Variants in NHSL1 observed in about 807,000 individuals in gnomAD.
The protein encoded by NHSL1 is NHS-like protein 1.
In NHSL1, 48 loss-of-function variants were observed where a neutral mutation model predicts 95.0. The observed-to-expected ratio is 0.51, with a 90% CI of 0.40 to 0.64. The LOEUF (loss-of-function observed/expected upper bound fraction) is 0.64, where lower values mean the gene tolerates loss of function less well. Ranked by LOEUF, NHSL1 falls within the 30% of genes least tolerant of loss-of-function variation. The probability of loss-of-function intolerance (pLI) is 0.00; values close to 1 mark genes in which losing one functional copy is unlikely to be tolerated. For synonymous variants in NHSL1, 783 were observed against 833.9 expected (o/e 0.94, Z 1.05); for missense variants, 1,971 against 2,077.7 (o/e 0.95, Z 1.00).
chr6:138,551,749 C>T (rs140951104), intron 1 of NHSL1, among the ~76,000 whole-genome samples: 101 of 152,238 alleles, frequency 6.6e-4, no homozygotes, highest in African/African-American at 2.3e-3. Flanking sequence ...TGATTTAAAA[C>T]CAGTCTCCAT....
intron 1 of NHSL1, among the ~76,000 whole-genome samples, chr6:138,626,383 G>A (rs1241215135): frequency 1.3e-5 from 2 of 152,092 alleles, no homozygotes; most frequent in Non-Finnish European, 2.9e-5. Flanking sequence ...TGGTAGATAG[G>A]TTGATTATGT....
chr6:138,600,396 C>T (rs1026231121), intron 1 of NHSL1, among the ~76,000 whole-genome samples: 1 of 152,146 alleles, frequency 6.6e-6, no homozygotes, highest in African/African-American at 2.4e-5. Flanking sequence ...TGGCAACCTT[C>T]CTTCAATTTG....
intron 1 of NHSL1, among the ~76,000 whole-genome samples, chr6:138,663,870 C>G (rs760471959): frequency 2.0e-5 from 3 of 151,114 alleles, no homozygotes; most frequent in Non-Finnish European, 4.4e-5. Flanking sequence ...GACTCTATCT[C>G]AAAGAAAAAA....
intron 1 of NHSL1, among the ~76,000 whole-genome samples, chr6:138,565,788 A>AAAATAAAATAAAATAAAATAAAAT (rs1188816114): frequency 4.0e-5 from 6 of 151,774 alleles, no homozygotes; most frequent in African/African-American, 1.4e-4. Context: ...AAAATAAAAT[A>AAAATAAAATAAAATAAAATAAAAT]AAAAATTAGA....
intron 1 of NHSL1, among the ~76,000 whole-genome samples, chr6:138,675,513 A>C (rs1305651288): frequency 6.6e-6 from 1 of 152,080 alleles, no homozygotes; most frequent in East Asian, 1.9e-4. Context: ...TTTCCCACAG[A>C]AAATTCTTAC....
intron 1 of NHSL1, among the ~76,000 whole-genome samples, chr6:138,530,475 A>G (rs1384539430): frequency 6.6e-6 from 1 of 152,260 alleles, no homozygotes; most frequent in African/African-American, 2.4e-5. Flanking sequence ...ATACATGCAC[A>G]TGCATGTTTA....
chr6:138,476,741 T>C lies in NHSL1; in HGVS notation c.212-3308A>G, dbSNP rs59457317. 7.9e-5 allele frequency among the ~76,000 whole-genome samples: 12 copies of C among 152,104 alleles called. No individual in the cohort carries two copies. The East Asian group carries it at 1.7e-3, about 22-fold the overall frequency. ...TACTTGGAAGGCTGAGGCAGGAGAA[T>C]TGCTTGAACTTGGGAGGCAGACTGC... is the stretch of plus-strand genomic sequence containing the variant. On this transcript the variant is annotated intron_variant, in intron 2 of 7. Transcript: ENST00000343505.
intron 3 of NHSL1, among the ~76,000 whole-genome samples, chr6:138,455,523 G>A (rs2149582): frequency 0.076 from 4,788 of 62,736 alleles, 193 homozygotes; most frequent in African/African-American, 0.3. Context: ...TCCCTGCAAG[G>A]AGCCCCGCCT....
intron 1 of NHSL1, among the ~76,000 whole-genome samples, chr6:138,517,226 G>A (rs1438326883): frequency 3.9e-5 from 6 of 152,160 alleles, no homozygotes; most frequent in Admixed American, 2.6e-4. Flanking sequence ...CTTAGCCTCT[G>A]TTCTCACCAG....
At chr6:138,656,820 A>G (rs947079152) in intron 1 of NHSL1, among the ~76,000 whole-genome samples, 1 of 152,200 alleles carries the variant, frequency 6.6e-6, no homozygotes, top group Non-Finnish European at 1.5e-5. Context: ...AGAAGCTGCC[A>G]AAAAAGGGAA....
chr6:138,472,309 G>A lies in NHSL1; in HGVS notation c.339+997C>T, dbSNP rs1352167200. Among the ~76,000 whole-genome samples the A allele has an allele frequency of 3.3e-5, 5 of 152,186 alleles. No individual in the cohort carries two copies. The East Asian group carries it at 9.6e-4, about 29-fold the overall frequency. On this transcript the variant is annotated intron_variant, in intron 3 of 7. Transcript: ENST00000343505. ...GTCTTGTTTTATTGCCCAGGTTGGA[G>A]TACAATGGAGTGACCACAACTCAAA...
chr6:138,514,205 G>A (rs74616691), intron 1 of NHSL1, among the ~76,000 whole-genome samples: 451 of 152,032 alleles, frequency 3.0e-3, no homozygotes, highest in Non-Finnish European at 5.4e-3. Flanking sequence ...GTAGTGCCAG[G>A]TACTCAGGAG....
At chr6:138,520,177 T>C (rs1781618660) in intron 1 of NHSL1, among the ~76,000 whole-genome samples, 1 of 150,846 alleles carries the variant, frequency 6.6e-6, no homozygotes, top group Non-Finnish European at 1.5e-5. Flanking sequence ...TCTTGGCATA[T>C]AAAATCATAC....
intron 3 of NHSL1, among the ~76,000 whole-genome samples, chr6:138,460,118 G>C (rs1447237550): frequency 6.6e-6 from 1 of 152,026 alleles, no homozygotes; most frequent in Non-Finnish European, 1.5e-5. Context: ...TTTAAGCATT[G>C]GACTTACCTA....
intron 1 of NHSL1, among the ~76,000 whole-genome samples, chr6:138,515,404 G>A (rs1348728376): frequency 6.6e-6 from 1 of 152,174 alleles, no homozygotes; most frequent in Non-Finnish European, 1.5e-5. Flanking sequence ...AGGCACCAGA[G>A]ACATCAAAAC....
At chr6:138,536,709 C>G (rs1263385378) in intron 1 of NHSL1, among the ~76,000 whole-genome samples, 2 of 144,772 alleles carry the variant, frequency 1.4e-5, no homozygotes, top group Non-Finnish European at 1.5e-5. Context: ...TGGGTTGCTG[C>G]ACCTATCTAC....
intron 1 of NHSL1, among the ~76,000 whole-genome samples, chr6:138,646,348 C>T (rs1247271503): frequency 1.3e-5 from 2 of 152,118 alleles, no homozygotes; most frequent in African/African-American, 4.8e-5. Context: ...TCAGCATATA[C>T]AGGTAATTGA....
At chr6:138,536,128 T>C (rs927012176) in intron 1 of NHSL1, among the ~76,000 whole-genome samples, 1 of 152,192 alleles carries the variant, frequency 6.6e-6, no homozygotes, top group African/African-American at 2.4e-5. Context: ...ACCTGTGGTA[T>C]GGCATGTGTT....
chr6:138,455,536 A>ATGCTCCCTGCAAGGAGCCCCGCCTTCG lies in NHSL1; in HGVS notation c.340-8344_340-8343insCGAAGGCGGGGCTCCTTGCAGGGAGCA, dbSNP rs1562287973. 1.7e-3 allele frequency among the ~76,000 whole-genome samples: 50 copies of ATGCTCCCTGCAAGGAGCCCCGCCTTCG among 30,294 alleles called. 1 individual carries two copies. Among genetic ancestry groups the ATGCTCCCTGCAAGGAGCCCCGCCTTCG allele is most frequent in the Non-Finnish European group, 2.6e-3 (21 of 8,084 alleles). The allele number at this position is 30,294 out of a possible 152,430, so 19.9% of individuals were successfully genotyped here. On this transcript the variant is annotated intron_variant, in intron 3 of 7. Coordinates refer to ENST00000343505, the MANE Select transcript of NHSL1 (RefSeq NM_001144060.2). The stretch of plus-strand genomic sequence containing the variant: ...GCTCCCTGCAAGGAGCCCCGCCTTC[A>ATGCTCCCTGCAAGGAGCCCCGCCTTCG]CATGCTCCCTGCAAGGAGCCCCGCC...
Sources: gnomAD v4.1 joint callset for allele counts (sites outside exome capture counted in the v4.1 genomes callset) on GRCh38, gnomAD v4.1.1 for gene constraint, MANE v1.5 for transcripts, NCBI Gene and HGNC (gene_info 2026-07-23, HGNC 2026-07-21) for gene names.